R3HDM1: variants seen among roughly 807,000 people sequenced by gnomAD.
R3HDM1 encodes R3H domain containing 1.
A neutral mutation model predicts 141.1 loss-of-function variants in R3HDM1; 46 were observed. The observed-to-expected ratio is 0.33, with a 90% confidence interval of 0.26 to 0.42. R3HDM1 has a LOEUF of 0.42. Among genes scored for constraint, R3HDM1 ranks in the 10% least tolerant of loss-of-function variants. The pLI, the probability that R3HDM1 is intolerant of heterozygous loss-of-function variation, is 1.00. For synonymous variants in R3HDM1, 435 were observed against 472.9 expected (o/e 0.92, Z 1.04); for missense variants, 1,184 against 1,368.3 (o/e 0.87, Z 2.12).
At chr2:135,702,390 G>A (rs2074339512) in intron 21 of R3HDM1, among the ~76,000 whole-genome samples, 2 of 152,056 alleles carry the variant, frequency 1.3e-5, no homozygotes, top group South Asian at 4.1e-4. Flanking sequence ...GCCGGGTGTG[G>A]TGGCTCACAC....
chr2:135,574,375 A>G (rs1238067314), intron 1 of R3HDM1, among the ~76,000 whole-genome samples: 1 of 152,214 alleles, frequency 6.6e-6, no homozygotes, highest in African/African-American at 2.4e-5. Context: ...ACCAAAAGGC[A>G]TTAGACCTGA....
chr2:135,624,285 C>T (rs2061783262), intron 7 of R3HDM1, among the ~76,000 whole-genome samples: 1 of 150,098 alleles, frequency 6.7e-6, no homozygotes, highest in Admixed American at 6.7e-5. Context: ...GTCCCAGCTG[C>T]GTGGGAGGCT....
chr2:135,605,383 A>T (rs978880203), intron 3 of R3HDM1: 1 of 161,898 alleles, frequency 6.2e-6, no homozygotes, highest in African/African-American at 2.4e-5. Flanking sequence ...CTGCAGACGA[A>T]CTATTGGCAA....
chr2:135,627,368 A>G (rs181904343), intron 7 of R3HDM1, among the ~76,000 whole-genome samples: 1 of 152,110 alleles, frequency 6.6e-6, no homozygotes, highest in African/African-American at 2.4e-5. Context: ...ACATCATTAA[A>G]TCTTCATTAT....
At position 135,602,557 on chromosome 2, in the gene R3HDM1, A is replaced by C; in HGVS notation, c.-192A>C. 1 of 1,499,188 alleles carries C rather than the reference A, an allele frequency of 6.7e-7. No homozygotes were observed. Among genetic ancestry groups the C allele is most frequent in the Non-Finnish European group, 8.9e-7 (1 of 1,126,784 alleles). 92.9% of individuals were successfully genotyped at this position (1,499,188 alleles called of 1,614,324 possible). ...ACAGTCCATTCCAGTCCGGGAATCT[A>C]CAGTGGTGACAAGGACATGGGACTC... On this transcript the variant is annotated 5_prime_UTR_variant, in exon 2 of 27. Coordinates refer to ENST00000683871, the MANE Select transcript of R3HDM1 (RefSeq NM_001378107.1).
In R3HDM1 at chr2:135,721,912, A is replaced by T; in HGVS notation, c.2882-12A>T. The T allele has an allele frequency of 6.2e-7, 1 of 1,607,904 alleles. No individual in the cohort carries two copies. Among genetic ancestry groups the T allele is most frequent in the Non-Finnish European group, 8.5e-7 (1 of 1,174,714 alleles). Reference sequence around the variant, plus strand: ...CTCTGGCAATAAAATAAAATATTTTATTGACTTTCAGGAGATTCCAGGTAT... The same window carrying T: ...CTCTGGCAATAAAATAAAATATTTTTTTGACTTTCAGGAGATTCCAGGTAT... On this transcript the variant is annotated splice_polypyrimidine_tract_variant and intron_variant, in intron 24 of 26. Transcript: ENST00000683871.
intron 1 of R3HDM1, among the ~76,000 whole-genome samples, chr2:135,555,788 T>A (rs912822536): frequency 6.6e-6 from 1 of 152,148 alleles, no homozygotes; most frequent in African/African-American, 2.4e-5. Flanking sequence ...CACTTTGAGA[T>A]GCCAAGGCGG....
At chr2:135,696,970 T>C (rs898870952) in intron 21 of R3HDM1, among the ~76,000 whole-genome samples, 6 of 152,208 alleles carry the variant, frequency 3.9e-5, no homozygotes, top group Admixed American at 1.3e-4. Flanking sequence ...CAGAGTCATA[T>C]TGAAATGTTA....
intron 15 of R3HDM1, among the ~76,000 whole-genome samples, chr2:135,642,091 A>C (rs1357539331): frequency 1.3e-5 from 2 of 152,154 alleles, no homozygotes; most frequent in Admixed American, 1.3e-4. Flanking sequence ...GCTTTGTTTG[A>C]TATAACAATT....
intron 21 of R3HDM1, among the ~76,000 whole-genome samples, chr2:135,687,507 TG>T (rs1467438700): frequency 6.6e-6 from 1 of 152,214 alleles, no homozygotes; most frequent in East Asian, 1.9e-4. Flanking sequence ...GCACTTAACC[TG>T]TTTCTGAGCT....
intron 7 of R3HDM1, among the ~76,000 whole-genome samples, chr2:135,627,366 A>G (rs2062151530): frequency 6.6e-6 from 1 of 152,150 alleles, no homozygotes; most frequent in African/African-American, 2.4e-5. Context: ...TCACATCATT[A>G]AATCTTCATT....
At chr2:135,685,056 C>G (rs2071096146) in intron 21 of R3HDM1, among the ~76,000 whole-genome samples, 1 of 152,154 alleles carries the variant, frequency 6.6e-6, no homozygotes, top group Non-Finnish European at 1.5e-5. Flanking sequence ...AGCAACTGCT[C>G]CCAGCCTGCA....
At chr2:135,655,492 TTTGTTGTTGTTGTTG>T (rs543591380) in intron 18 of R3HDM1, among the ~76,000 whole-genome samples, 1 of 151,378 alleles carries the variant, frequency 6.6e-6, no homozygotes, top group Non-Finnish European at 1.5e-5. Context: ...TTTTTTTGTT[TTTGTTGTTGTTGTTG>T]TTGTTGTTGT....
rs1403553182 is a variant in R3HDM1, at chr2:135,679,788, T to G, written c.2308-385T>G. Among the ~76,000 whole-genome samples, 3 of 152,210 alleles carry G rather than the reference T, an allele frequency of 2.0e-5. No homozygotes were observed. The East Asian group carries it at 5.8e-4, about 29-fold the overall frequency. On this transcript the variant is annotated intron_variant, in intron 20 of 26. Transcript: ENST00000683871. The stretch of plus-strand genomic sequence containing the variant: ...TTCTGACTGCTCATGCTTTAAAAGT[T>G]TATGGTGGCTGCTGGGTATGGTGGC...
chr2:135,609,619 G>C (rs2105132509), intron 3 of R3HDM1, among the ~76,000 whole-genome samples: 1 of 152,330 alleles, frequency 6.6e-6, no homozygotes, highest in South Asian at 2.1e-4. Flanking sequence ...GTTAGACTAT[G>C]AGTATCCCTA....
chr2:135,683,744 A>G (rs1376948840), intron 21 of R3HDM1, among the ~76,000 whole-genome samples: 1 of 152,154 alleles, frequency 6.6e-6, no homozygotes, highest in Non-Finnish European at 1.5e-5. Flanking sequence ...GAAGTCAACT[A>G]TTGGTAATTT....
At chr2:135,635,528 A>G (rs2063167841) in intron 9 of R3HDM1, among the ~76,000 whole-genome samples, 1 of 152,238 alleles carries the variant, frequency 6.6e-6, no homozygotes, top group South Asian at 2.1e-4. Flanking sequence ...GAACAACCCT[A>G]AGAAGTAGGT....
intron 1 of R3HDM1, chr2:135,550,192 T>C (rs1185809356): frequency 3.4e-5 from 33 of 984,964 alleles, no homozygotes; most frequent in South Asian, 4.7e-5. Context: ...TTTTTGTGAG[T>C]GTTGATTTTC....
At chr2:135,699,020 TAGATAGATAGATAGATAGATAGATA>T (rs2073750985) in intron 21 of R3HDM1, among the ~76,000 whole-genome samples, 1 of 118,916 alleles carries the variant, frequency 8.4e-6, no homozygotes, top group African/African-American at 2.9e-5. Flanking sequence ...GATAGATAGA[TAGATAGATAGATAGATAGATAGATA>T]AGATAGATAA....
Sources: gnomAD v4.1 joint callset for allele counts (sites outside exome capture counted in the v4.1 genomes callset) on GRCh38, gnomAD v4.1.1 for gene constraint, MANE v1.5 for transcripts, NCBI Gene and HGNC (gene_info 2026-07-23, HGNC 2026-07-21) for gene names.